VPS8: variants seen among roughly 807,000 people sequenced by gnomAD.
VPS8 encodes vacuolar protein sorting-associated protein 8 homolog.
VPS8 carries 129 observed loss-of-function variants against 216.4 expected under a neutral mutation model. That is an observed-to-expected ratio of 0.60 (90% CI 0.52 to 0.69). The LOEUF (loss-of-function observed/expected upper bound fraction) is 0.69, where lower values mean the gene tolerates loss of function less well. Ranked by LOEUF, VPS8 falls within the 30% of genes least tolerant of loss-of-function variation. The pLI is 0.00. For missense variants in VPS8, 1,531 were observed against 1,683.5 expected (o/e 0.91, Z 1.59); for synonymous variants, 571 against 565.4 (o/e 1.01, Z -0.14).
chr3:185,040,026 G>A (rs1278826201), intron 46 of VPS8, among the ~76,000 whole-genome samples: 3 of 152,140 alleles, frequency 2.0e-5, no homozygotes, highest in East Asian at 1.9e-4. Context: ...ACCAGGAGAG[G>A]GAGGGGAGGG....
At chr3:184,964,402 A>C (rs1386056212) in intron 37 of VPS8, 66 bp from the exon 38 acceptor site, 2 of 1,003,638 alleles carry the variant, frequency 2.0e-6, no homozygotes, top group Non-Finnish European at 2.8e-6. Context: ...TTTCATCCTC[A>C]ATGGGATCTT....
intron 45 of VPS8, among the ~76,000 whole-genome samples, chr3:185,008,794 G>A (rs1442503896): frequency 6.6e-6 from 1 of 152,136 alleles, no homozygotes; most frequent in African/African-American, 2.4e-5. Context: ...GGCCAGGAAT[G>A]AGGTTGAAGA....
chr3:185,040,557 CCCTATCATACCACATCT>C (rs1759488347), intron 46 of VPS8, among the ~76,000 whole-genome samples: 1 of 152,132 alleles, frequency 6.6e-6, no homozygotes, highest in Non-Finnish European at 1.5e-5. Flanking sequence ...ATCTACTCCA[CCCTATCATACCACATCT>C]CCTTGAGTAT....
At chr3:185,010,245 G>A (rs935260390) in intron 45 of VPS8, among the ~76,000 whole-genome samples, 8 of 152,136 alleles carry the variant, frequency 5.3e-5, no homozygotes, top group Admixed American at 3.9e-4. Context: ...CTATTTGCAA[G>A]TATTTTAACC....
At chr3:184,895,340 A>G (rs1733183698) in intron 23 of VPS8, among the ~76,000 whole-genome samples, 1 of 152,108 alleles carries the variant, frequency 6.6e-6, no homozygotes, top group Non-Finnish European at 1.5e-5. Flanking sequence ...CTTGAAAAAT[A>G]TGATGCCATT....
At chr3:184,942,160 CA>C (rs372246034) in intron 36 of VPS8, among the ~76,000 whole-genome samples, 2,748 of 150,216 alleles carry the variant, frequency 0.018, 89 homozygotes, top group African/African-American at 0.064. Context: ...ATAAATATTA[CA>C]AAAAAAAAGG....
chr3:184,969,701 A>G lies in VPS8; in HGVS notation c.3317-1948A>G, dbSNP rs1359259434. Among the ~76,000 whole-genome samples the G allele has an allele frequency of 2.6e-5, 4 of 151,358 alleles. No homozygotes were observed. The East Asian group carries it at 7.9e-4, about 30-fold the overall frequency. ...CGCCTCGGCCTCCCAAAGTGTTGGGATTACCATCGTGAGCCACCACACCCA... is the reference window on the plus strand; with the variant it reads ...CGCCTCGGCCTCCCAAAGTGTTGGGGTTACCATCGTGAGCCACCACACCCA... On this transcript the variant is annotated intron_variant, in intron 39 of 47. Coordinates refer to ENST00000625842, the MANE Select transcript of VPS8 (RefSeq NM_001009921.3).
chr3:184,913,506 C>G lies in VPS8; in HGVS notation c.2147-13C>G. ...AGAGAAAATTGCTGAAGATACTTCT[C>G]TTTCTATTTTAGATGAACAAGTTGT... On this transcript the variant is annotated splice_polypyrimidine_tract_variant and intron_variant, in intron 25 of 47. Transcript: ENST00000625842. 1 of 1,578,352 alleles carries G rather than the reference C, an allele frequency of 6.3e-7. No homozygotes were observed. The highest frequency in any genetic ancestry group is 1.4e-5 in the African/African-American group (1 of 72,892).
intron 40 of VPS8, among the ~76,000 whole-genome samples, chr3:184,980,170 C>T (rs1749959774): frequency 6.6e-6 from 1 of 151,858 alleles, no homozygotes; most frequent in Non-Finnish European, 1.5e-5. Context: ...ACTGTTTGCC[C>T]AATGGGGTTC....
At chr3:184,834,962 T>C in intron 5 of VPS8, 1 of 390,680 alleles carries the variant, frequency 2.6e-6, no homozygotes, top group Non-Finnish European at 4.5e-6. Flanking sequence ...CTGCTCAGAG[T>C]CTAGGCTGTG....
intron 1 of VPS8, among the ~76,000 whole-genome samples, chr3:184,817,021 C>T (rs1056823175): frequency 6.6e-6 from 1 of 152,076 alleles, no homozygotes; most frequent in African/African-American, 2.4e-5. Flanking sequence ...TTCATCTTGG[C>T]CTCTAAGCTG....
At position 184,994,256 on chromosome 3, in the gene VPS8, C is replaced by T. The variant is rs1446185708; in HGVS notation, c.3666+193C>T. Among the ~76,000 whole-genome samples the T allele has an allele frequency of 4.6e-5, 7 of 152,170 alleles. 1 individual carries two copies. The highest frequency in any genetic ancestry group is 3.9e-4 in the Admixed American group (6 of 15,274). ...GTAACTCATACCTGTAACGCCAGCA[C>T]TTTGGAAGACTGAGACAGGAGGATT... On this transcript the variant is annotated intron_variant, in intron 43 of 47. Coordinates refer to ENST00000625842, the MANE Select transcript of VPS8 (RefSeq NM_001009921.3).
chr3:184,893,298 C>T (rs1560556543), intron 22 of VPS8: 2 of 1,287,766 alleles, frequency 1.6e-6, no homozygotes, highest in Non-Finnish European at 2.0e-6. Context: ...TTTTGTGGAA[C>T]TTGTCATGAA....
At chr3:184,885,023 C>G (rs188702418) in intron 21 of VPS8, among the ~76,000 whole-genome samples, 98 of 152,318 alleles carry the variant, frequency 6.4e-4, no homozygotes, top group African/African-American at 2.3e-3. Context: ...TATCATTTTA[C>G]CTCCTGTTTT....
intron 36 of VPS8, among the ~76,000 whole-genome samples, chr3:184,947,602 G>A (rs1042011965): frequency 1.3e-5 from 2 of 151,432 alleles, no homozygotes; most frequent in Admixed American, 6.6e-5. Context: ...AATATATTTA[G>A]CAAGAGGCAT....
intron 23 of VPS8, among the ~76,000 whole-genome samples, chr3:184,898,317 G>T (rs1486925102): frequency 2.0e-5 from 3 of 152,118 alleles, no homozygotes; most frequent in African/African-American, 7.2e-5. Context: ...AAAGGGGAAG[G>T]ATAGAGAAGA....
At chr3:184,866,716 A>G (rs1306252918) in intron 16 of VPS8, among the ~76,000 whole-genome samples, 160 bp from the exon 17 acceptor site, 2 of 152,254 alleles carry the variant, frequency 1.3e-5, no homozygotes, top group African/African-American at 4.8e-5. Flanking sequence ...TATATGCCAA[A>G]TATTATTTAA....
intron 29 of VPS8, among the ~76,000 whole-genome samples, chr3:184,920,705 A>G (rs1243162958): frequency 1.3e-5 from 2 of 152,228 alleles, no homozygotes; most frequent in African/African-American, 4.8e-5. Context: ...GCTGTTGCTA[A>G]TGAAGAATGC....
At position 184,993,996 on chromosome 3, in the gene VPS8, GA is replaced by G; in HGVS notation, c.3603del (p.Gly1202GlufsTer14). 1 of 1,563,002 alleles carries G rather than the reference GA, an allele frequency of 6.4e-7. No individual in the cohort carries two copies. The highest frequency in any genetic ancestry group is 1.2e-5 in the South Asian group (1 of 81,204). On this transcript the variant is annotated frameshift_variant, in exon 43 of 48. Coordinates refer to ENST00000625842, the MANE Select transcript of VPS8 (RefSeq NM_001009921.3). LOFTEE classifies it high-confidence loss of function. ...LQRILQDPVY[G>X]KGKLGEIQGL... The stretch of plus-strand genomic sequence containing the variant: ...TTTTCCGATTAGGATCCAGTTTATG[GA>G]AAAGGAAAACTTGGAGAAATCCAGG...
Sources: gnomAD v4.1 joint callset for allele counts (sites outside exome capture counted in the v4.1 genomes callset) on GRCh38, gnomAD v4.1.1 for gene constraint, MANE v1.5 for transcripts, NCBI Gene and HGNC (gene_info 2026-07-23, HGNC 2026-07-21) for gene names.